The following GNG7 variants were observed in gnomAD, a reference collection of about 807,000 sequenced individuals.
GNG7 encodes G protein subunit gamma 7.
A neutral mutation model predicts 4.0 loss-of-function variants in GNG7; 1 was observed. The observed-to-expected ratio is 0.25, with a 90% CI of 0.09 to 1.18. The LOEUF (loss-of-function observed/expected upper bound fraction) is 1.18, where lower values mean the gene tolerates loss of function less well. Among genes scored for constraint, GNG7 ranks in the 50% most tolerant of loss-of-function variants. The pLI is 0.50. For missense variants in GNG7, 86 were observed against 91.9 expected, an observed-to-expected ratio of 0.94 and a Z score of 0.26; for synonymous variants, 34 against 36.9, an observed-to-expected ratio of 0.92 and a Z score of 0.29.
intron 1 of GNG7, among the ~76,000 whole-genome samples, chr19:2,662,216 C>T (rs1014526985): frequency 1.3e-4 from 19 of 144,834 alleles, no homozygotes; most frequent in Non-Finnish European, 2.4e-4. Flanking sequence ...GCAGAGATTG[C>T]ACCATTGCAC....
intron 3 of GNG7, among the ~76,000 whole-genome samples, chr19:2,550,495 T>C (rs928948016): frequency 4.6e-5 from 7 of 152,202 alleles, no homozygotes; most frequent in Non-Finnish European, 8.8e-5. Context: ...CCCAAAGTGC[T>C]GCGATTACAG....
rs1982034416 is a variant in GNG7, at chr19:2,626,856, C to T, written c.-78+19368G>A. Among the ~76,000 whole-genome samples the T allele has an allele frequency of 1.3e-5, 2 of 151,992 alleles. No homozygotes were observed. Among genetic ancestry groups the T allele is most frequent in the Admixed American group, 6.6e-5 (1 of 15,248 alleles). ...TGGAGGCCAGGGATGCTGCTCAGCA[C>T]CCTGCAGTGCCCAGGACGGCCTCAC... On this transcript the variant is annotated intron_variant, in intron 2 of 4. Coordinates refer to ENST00000382159, the MANE Select transcript of GNG7 (RefSeq NM_052847.3). This position sits in a 1 kb window ranked among gnomAD's most constrained non-coding sequence, Gnocchi z 5.0.
Position 2,617,879 on chromosome 19 carries a change from C to T in GNG7, c.-78+28345G>A, listed in dbSNP as rs1006495438. Reference sequence around the variant, plus strand: ...AACTACAGGTGTGCACCACCATGCCCGGCTAATTTTTTAAATGTTTTGTAG... The same window carrying T: ...AACTACAGGTGTGCACCACCATGCCTGGCTAATTTTTTAAATGTTTTGTAG... On this transcript the variant is annotated intron_variant, in intron 2 of 4. Coordinates refer to ENST00000382159, the MANE Select transcript of GNG7 (RefSeq NM_052847.3). This position sits in a 1 kb window ranked among gnomAD's most constrained non-coding sequence, Gnocchi z 4.7. Among the ~76,000 whole-genome samples, 5 of 152,034 alleles carry T rather than the reference C, an allele frequency of 3.3e-5. No individual in the cohort carries two copies. Among genetic ancestry groups the T allele is most frequent in the South Asian group, 2.1e-4 (1 of 4,816 alleles).
At chr19:2,589,978 AT>A (rs1179739511) in intron 2 of GNG7, among the ~76,000 whole-genome samples, 1 of 152,034 alleles carries the variant, frequency 6.6e-6, no homozygotes, top group Non-Finnish European at 1.5e-5. Flanking sequence ...TACTCAGCTA[AT>A]TTTTGTATTT....
chr19:2,535,298 G>C (rs1024323247), intron 3 of GNG7, among the ~76,000 whole-genome samples: 1 of 148,016 alleles, frequency 6.8e-6, no homozygotes, highest in Non-Finnish European at 1.5e-5. Context: ...AGACCAGCCT[G>C]GGCAACATGG....
chr19:2,660,558 A>G (rs1983118860), intron 1 of GNG7, among the ~76,000 whole-genome samples: 1 of 152,032 alleles, frequency 6.6e-6, no homozygotes, highest in Non-Finnish European at 1.5e-5. Flanking sequence ...ATGGGGGCCT[A>G]GGAGTTCAAG....
At chr19:2,681,932 T>C (rs965099210) in intron 1 of GNG7, among the ~76,000 whole-genome samples, 4 of 152,118 alleles carry the variant, frequency 2.6e-5, no homozygotes, top group Non-Finnish European at 4.4e-5. Context: ...TTGTTTGAGA[T>C]GGAGTCTTGC....
chr19:2,561,192 G>A (rs1381324433), intron 2 of GNG7, among the ~76,000 whole-genome samples: 4 of 151,976 alleles, frequency 2.6e-5, no homozygotes. Context: ...GGGGTCCGTG[G>A]AATCCCATAA....
chr19:2,553,847 A>G (rs977095658), intron 3 of GNG7, among the ~76,000 whole-genome samples: 18 of 143,726 alleles, frequency 1.3e-4, no homozygotes, highest in East Asian at 4.0e-4. Flanking sequence ...AATATTGCAT[A>G]CATGTACATA....
chr19:2,657,327 C>G (rs1319889572), intron 1 of GNG7, among the ~76,000 whole-genome samples: 1 of 89,338 alleles, frequency 1.1e-5, no homozygotes, highest in Non-Finnish European at 2.1e-5. Flanking sequence ...AAGCAAGACC[C>G]CGTCTCAATT....
intron 1 of GNG7, among the ~76,000 whole-genome samples, chr19:2,651,570 TC>T (rs1195674059): frequency 1.3e-3 from 195 of 148,106 alleles, no homozygotes; most frequent in Admixed American, 3.7e-3. Context: ...TCTCTCTCTC[TC>T]TCTCTTTTTT....
chr19:2,613,882 T>A (rs1163539745), intron 2 of GNG7, among the ~76,000 whole-genome samples: 1 of 152,200 alleles, frequency 6.6e-6, no homozygotes, highest in Non-Finnish European at 1.5e-5. Context: ...GGACCCTGGC[T>A]ATGCCAAGAA....
At chr19:2,551,875 G>T (rs916594227) in intron 3 of GNG7, among the ~76,000 whole-genome samples, 1 of 152,022 alleles carries the variant, frequency 6.6e-6, no homozygotes, top group African/African-American at 2.4e-5. Context: ...AGTAGAGATG[G>T]GGTTTTGCCA....
At chr19:2,553,482 A>G (rs1317070705) in intron 3 of GNG7, among the ~76,000 whole-genome samples, 1 of 147,608 alleles carries the variant, frequency 6.8e-6, no homozygotes, top group Non-Finnish European at 1.5e-5. Flanking sequence ...TATATACTAT[A>G]TATTATATTT....
At chr19:2,548,938 T>A (rs993287383) in intron 3 of GNG7, among the ~76,000 whole-genome samples, 1 of 152,178 alleles carries the variant, frequency 6.6e-6, no homozygotes, top group South Asian at 2.1e-4. Flanking sequence ...CTGTGCATGT[T>A]GTTTGCATCC....
At chr19:2,523,433 G>T (rs576662361) in intron 3 of GNG7, among the ~76,000 whole-genome samples, 163 of 151,986 alleles carry the variant, frequency 1.1e-3, no homozygotes, top group African/African-American at 3.9e-3. Flanking sequence ...CACTCCTGTG[G>T]TCCCAGCTAC....
At chr19:2,655,477 A>G (rs1982942132) in intron 1 of GNG7, among the ~76,000 whole-genome samples, 1 of 150,962 alleles carries the variant, frequency 6.6e-6, no homozygotes, top group South Asian at 2.1e-4. Flanking sequence ...CTTTGGGAGG[A>G]TGAGGCAGGC....
In GNG7 at chr19:2,697,817, C is replaced by A. The variant is rs968852312; in HGVS notation, c.-135+4829G>T. ...CCCCCGCCCGTCTCTACTAAAAATA[C>A]AAAAATTAGCCGGGCGTGGTGGCAC... On this transcript the variant is annotated intron_variant, in intron 1 of 4. Coordinates refer to ENST00000382159, the MANE Select transcript of GNG7 (RefSeq NM_052847.3). Among the ~76,000 whole-genome samples, 50 of 150,128 alleles carry A rather than the reference C, an allele frequency of 3.3e-4. No homozygotes were observed. The East Asian group carries it at 9.2e-3, about 28-fold the overall frequency.
rs917322426 is a variant in GNG7 at position 2,512,729 on chromosome 19, C to T, written c.*2293G>A. On this transcript the variant is annotated 3_prime_UTR_variant, in exon 5 of 5. Coordinates refer to ENST00000382159, the MANE Select transcript of GNG7 (RefSeq NM_052847.3). The surrounding 1 kb of genome is among the most constrained non-coding windows in gnomAD (Gnocchi z 4.7). The stretch of plus-strand genomic sequence containing the variant: ...TCCCTCTGCCCTGGCAGCGGGGGCT[C>T]GGGGATTAAGGCCTCTTTTAAGGAA... The T allele has an allele frequency of 3.5e-5, 8 of 226,880 alleles. No individual in the cohort carries two copies. Among genetic ancestry groups the T allele is most frequent in the African/African-American group, 4.7e-5 (2 of 42,772 alleles). The allele number at this position is 226,880 out of a possible 1,614,324, so 14.1% of individuals were successfully genotyped here.
Sources: gnomAD v4.1 joint callset for allele counts (sites outside exome capture counted in the v4.1 genomes callset) on GRCh38, gnomAD v4.1.1 for gene constraint, Gnocchi (gnomAD v3.1) non-coding constraint, MANE v1.5 for transcripts, NCBI Gene and HGNC (gene_info 2026-07-23, HGNC 2026-07-21) for gene names.